Variants in TRAF7 observed in about 807,000 individuals in gnomAD.
TRAF7 encodes TNF receptor associated factor 7.
TRAF7 carries 45 observed loss-of-function variants against 89.3 expected under a neutral mutation model. The ratio of observed to expected loss-of-function variants is 0.50; its 90% confidence interval spans 0.40 to 0.65. The LOEUF (loss-of-function observed/expected upper bound fraction) is 0.65. Among genes scored for constraint, TRAF7 ranks in the 30% least tolerant of loss-of-function variants. TRAF7 has a pLI of 0.00. For missense variants in TRAF7, 677 were observed against 918.1 expected (o/e 0.74, Z 3.39); for synonymous variants, 406 against 369.2 (o/e 1.10, Z -1.14).
chr16:2,170,006 C>T lies in TRAF7; in HGVS notation c.232-608C>T, dbSNP rs182011037. On this transcript the variant is annotated intron_variant, in intron 4 of 20. Coordinates refer to ENST00000326181, the MANE Select transcript of TRAF7 (RefSeq NM_032271.3). ...GAAGGGACAGTGTCTGCCCCTCCCC[C>T]AGGCTCCCTTGTCGGTGGCTCAGCC... 7.0e-4 allele frequency among the ~76,000 whole-genome samples: 107 copies of T among 152,318 alleles called. 2 individuals carry two copies. The highest frequency in any genetic ancestry group is 2.4e-3 in the African/African-American group (99 of 41,564).
intron 6 of TRAF7, 22 bp downstream of exon 6, chr16:2,171,378 G>T (rs1322769194): frequency 6.5e-7 from 1 of 1,544,164 alleles, no homozygotes; most frequent in South Asian, 1.2e-5. Context: ...GCCCTTCCCA[G>T]CCCCCCTGCT....
intron 4 of TRAF7, among the ~76,000 whole-genome samples, chr16:2,170,080 G>A (rs919258896): frequency 6.6e-6 from 1 of 152,180 alleles, no homozygotes; most frequent in Admixed American, 6.5e-5. Flanking sequence ...AAGCTCAGCC[G>A]AGGTTCTCTG....
intron 14 of TRAF7, among the ~76,000 whole-genome samples, chr16:2,174,745 C>T (rs2093128273): frequency 6.6e-6 from 1 of 152,308 alleles, no homozygotes. Flanking sequence ...TGCCTCCTGT[C>T]TCCTATCGTG....
At chr16:2,164,159 TGCGCGCGCGCGCGC>T (rs61245743) in intron 2 of TRAF7, among the ~76,000 whole-genome samples, 158 bp downstream of exon 2, 1,474 of 126,132 alleles carry the variant, frequency 0.012, 22 homozygotes, top group African/African-American at 0.04. Flanking sequence ...TGTGTGTGTG[TGCGCGCGCGCGCGC>T]GCGCGCGCAC....
intron 1 of TRAF7, among the ~76,000 whole-genome samples, chr16:2,156,274 G>T (rs1429065117): frequency 6.6e-6 from 1 of 152,122 alleles, no homozygotes; most frequent in Non-Finnish European, 1.5e-5. Flanking sequence ...GCGAGGAGCT[G>T]CCCTGTACAT....
rs1407489839 is a variant in TRAF7 at position 2,168,500 on chromosome 16, A to G, written c.231+332A>G. 2 of 244,568 alleles carry G rather than the reference A, an allele frequency of 8.2e-6. No individual in the cohort carries two copies. The highest frequency in any genetic ancestry group is 1.6e-5 in the Non-Finnish European group (2 of 124,590). The allele number at this position is 244,568 out of a possible 1,614,324, so 15.1% of individuals were successfully genotyped here. On this transcript the variant is annotated intron_variant, in intron 4 of 20. Coordinates refer to ENST00000326181, the MANE Select transcript of TRAF7 (RefSeq NM_032271.3). This position sits in a 1 kb window ranked among gnomAD's most constrained non-coding sequence, Gnocchi z 4.1. ...TCAGGAGGATAGCACAATAAAATAC[A>G]TGCTTTGAAAGCTTCCTTTGCTGCT...
chr16:2,169,160 T>C (rs2093098509), intron 4 of TRAF7, among the ~76,000 whole-genome samples: 1 of 152,006 alleles, frequency 6.6e-6, no homozygotes, highest in South Asian at 2.1e-4. Context: ...TAATTTTGAA[T>C]TAGTAGAGAT....
In TRAF7 at chr16:2,177,908, C is replaced by T. The variant is rs542338717; in HGVS notation, c.*1334C>T. 60 of 333,154 alleles carry T rather than the reference C, an allele frequency of 1.8e-4. 1 individual carries two copies. The South Asian group carries it at 1.9e-3, about 11-fold the overall frequency. The allele number at this position is 333,154 out of a possible 1,614,324, so 20.6% of individuals were successfully genotyped here. A position where few individuals can be genotyped will look rare whatever the true frequency, so the allele number is the denominator to read the frequency against. On this transcript the variant is annotated 3_prime_UTR_variant, in exon 21 of 21. Coordinates refer to ENST00000326181, the MANE Select transcript of TRAF7 (RefSeq NM_032271.3). ...TTCCACCTGTGCTAGCAGCCTGGGGCCTCCACTCTGGCCGGAGGAAGGACC... is the reference window on the plus strand; with the variant it reads ...TTCCACCTGTGCTAGCAGCCTGGGGTCTCCACTCTGGCCGGAGGAAGGACC...
chr16:2,164,149 TGTGTGTGTGTGCGCGC>T (rs1329674781), intron 2 of TRAF7, 148 bp downstream of exon 2: 1 of 556,670 alleles, frequency 1.8e-6, no homozygotes, highest in Non-Finnish European at 3.1e-6. Flanking sequence ...GGTGTGTGTG[TGTGTGTGTGTGCGCGC>T]GCGCGCGCGC....
At chr16:2,173,859 T>TGGGCGGCCCCCCCCC in intron 12 of TRAF7, 23 bp downstream of exon 12, 3 of 1,246,234 alleles carry the variant, frequency 2.4e-6, no homozygotes, top group Non-Finnish European at 3.3e-6. Context: ...CCGCCGTGGC[T>TGGGCGGCCCCCCCCC]CCCGCCCACC....
chr16:2,174,446 C>T (rs561309771), intron 14 of TRAF7, 113 bp downstream of exon 14: 10 of 979,430 alleles, frequency 1.0e-5, no homozygotes, highest in Non-Finnish European at 1.1e-5. Flanking sequence ...GTGTGCCCCA[C>T]CTATAGGGCA....
At chr16:2,165,412 C>G (rs1361360706) in intron 2 of TRAF7, among the ~76,000 whole-genome samples, 32 of 94,334 alleles carry the variant, frequency 3.4e-4, no homozygotes, top group East Asian at 6.5e-4. Context: ...GCTGCGTGGC[C>G]TGGCCTGGTC....
chr16:2,171,660 C>G, intron 7 of TRAF7, 55 bp downstream of exon 7: 1 of 1,611,874 alleles, frequency 6.2e-7, no homozygotes, highest in East Asian at 2.2e-5. Context: ...GGCTGCCGAG[C>G]AGAGGCGGGC....
At chr16:2,175,718 C>T (rs1318832158) in intron 17 of TRAF7, 96 bp downstream of exon 17, 4 of 1,586,994 alleles carry the variant, frequency 2.5e-6, no homozygotes, top group Admixed American at 1.7e-5. Context: ...TTCCTACCTT[C>T]GCACATCCCC....
Position 2,163,325 on chromosome 16 carries a change from C to G in TRAF7, c.-38-558C>G, listed in dbSNP as rs2093065110. Among the ~76,000 whole-genome samples, 2 of 152,218 alleles carry G rather than the reference C, an allele frequency of 1.3e-5. No individual in the cohort carries two copies. Among genetic ancestry groups the G allele is most frequent in the African/African-American group, 4.8e-5 (2 of 41,460 alleles). Reference sequence around the variant, plus strand: ...GCAGTGCGGTTTGTGTGGAGTTGGGCTCCGGTGACTCACCCTGCAGGTTCT... The same window carrying G: ...GCAGTGCGGTTTGTGTGGAGTTGGGGTCCGGTGACTCACCCTGCAGGTTCT... On this transcript the variant is annotated intron_variant, in intron 1 of 20. Transcript: ENST00000326181. The surrounding 1 kb of genome is among the most constrained non-coding windows in gnomAD (Gnocchi z 4.3).
At position 2,175,431 on chromosome 16, in the gene TRAF7, CTG is replaced by C; in HGVS notation, c.1503+17_1503+18del. ...AAGGCCATCAAGGTACGGGTGGAGG[CTG>C]TGCCTACGTGTGTGTCACTGAGGCG... On this transcript the variant is annotated intron_variant, in intron 16 of 20. Coordinates refer to ENST00000326181, the MANE Select transcript of TRAF7 (RefSeq NM_032271.3). 1 of 1,613,220 alleles carries C rather than the reference CTG, an allele frequency of 6.2e-7. No individual in the cohort carries two copies. Among genetic ancestry groups the C allele is most frequent in the Non-Finnish European group, 8.5e-7 (1 of 1,179,738 alleles).
chr16:2,169,470 C>T (rs2093099523), intron 4 of TRAF7, among the ~76,000 whole-genome samples: 1 of 152,122 alleles, frequency 6.6e-6, no homozygotes, highest in Non-Finnish European at 1.5e-5. Flanking sequence ...CCATGGGTCA[C>T]GGTGGCTTTC....
At chr16:2,176,427 A>G (rs1596681177) in intron 20 of TRAF7, 43 bp downstream of exon 20, 2 of 1,611,982 alleles carry the variant, frequency 1.2e-6, no homozygotes, top group Non-Finnish European at 1.7e-6. Flanking sequence ...GCTGCACAGG[A>G]TGGAGCGGGG....
Position 2,165,879 on chromosome 16 carries a change from A to C in TRAF7, c.82A>C (p.Thr28Pro). The change falls in exon 3 of 21, where the codon ACC becomes CCC. Residue 28 changes from threonine (T) to proline (P), a missense_variant and splice_region_variant. Transcript: ENST00000326181. The part of the protein sequence containing the change: ...NLPTPDVTTG[T>P]RMETTFGPAF... ...CAGGTCTCCTCCGTCCTCCCTCTAG[A>C]CCAGAATGGAAACGACCTTCGGACC... 6.2e-7 allele frequency: 1 copy of C among 1,614,052 alleles called. No homozygotes were observed. The highest frequency in any genetic ancestry group is 8.5e-7 in the Non-Finnish European group (1 of 1,179,952).
Sources: allele counts gnomAD v4.1 joint callset (sites outside exome capture counted in the v4.1 genomes callset), GRCh38; gene constraint gnomAD v4.1.1; non-coding constraint Gnocchi (gnomAD v3.1); transcripts MANE v1.5; gene names NCBI Gene and HGNC (gene_info 2026-07-23, HGNC 2026-07-21).